NOL10: variants seen among roughly 807,000 people sequenced by gnomAD.
The protein encoded by NOL10 is H_NH0074G24.1.
In NOL10, 58 loss-of-function variants were observed where a neutral mutation model predicts 103.5. The ratio of observed to expected loss-of-function variants is 0.56; its 90% CI spans 0.45 to 0.70. The LOEUF is 0.70. NOL10 is among the 30% of genes least tolerant of loss of function. NOL10 has a pLI of 0.00. For synonymous variants in NOL10, 287 were observed against 282.5 expected, an observed-to-expected ratio of 1.02 and a Z score of -0.16; for missense variants, 763 against 807.3, an observed-to-expected ratio of 0.95 and a Z score of 0.67.
At chr2:10,631,957 G>T (rs938263155) in intron 13 of NOL10, among the ~76,000 whole-genome samples, 1 of 152,164 alleles carries the variant, frequency 6.6e-6, no homozygotes, top group African/African-American at 2.4e-5. Flanking sequence ...CAGGTGATTT[G>T]CCCGCCTCGG....
At chr2:10,577,142 T>G (rs938683784) in intron 20 of NOL10, among the ~76,000 whole-genome samples, 1 of 152,204 alleles carries the variant, frequency 6.6e-6, no homozygotes, top group African/African-American at 2.4e-5. Context: ...GGCAGAGTAG[T>G]CTGTCTTCTA....
At chr2:10,670,409 CA>C (rs953669468) in intron 6 of NOL10, among the ~76,000 whole-genome samples, 1 of 151,886 alleles carries the variant, frequency 6.6e-6, no homozygotes, top group Non-Finnish European at 1.5e-5. Context: ...TACTAATAGC[CA>C]AAAAGATACA....
intron 17 of NOL10, among the ~76,000 whole-genome samples, chr2:10,599,966 A>G (rs1275376656): frequency 6.6e-6 from 1 of 152,088 alleles, no homozygotes; most frequent in Non-Finnish European, 1.5e-5. Context: ...TCTTAGATGC[A>G]CGTACCTGGT....
At chr2:10,663,696 TCCCAG>T (rs1473620304) in intron 8 of NOL10, among the ~76,000 whole-genome samples, 3 of 152,076 alleles carry the variant, frequency 2.0e-5, no homozygotes, top group African/African-American at 7.2e-5. Flanking sequence ...ACGCCTGTAA[TCCCAG>T]CACTTTGGGA....
chr2:10,623,805 A>G (rs916720355), intron 13 of NOL10, among the ~76,000 whole-genome samples: 8 of 152,350 alleles, frequency 5.3e-5, no homozygotes, highest in Non-Finnish European at 1.0e-4. Flanking sequence ...GACCAACATA[A>G]ATAAATGATA....
At chr2:10,643,174 A>C (rs896741658) in intron 13 of NOL10, among the ~76,000 whole-genome samples, 12 of 152,260 alleles carry the variant, frequency 7.9e-5, no homozygotes, top group African/African-American at 2.9e-4. Context: ...ACTACCAACC[A>C]AACGAAATAT....
intron 8 of NOL10, among the ~76,000 whole-genome samples, chr2:10,666,174 T>G (rs1400578647): frequency 6.6e-6 from 1 of 152,194 alleles, no homozygotes; most frequent in African/African-American, 2.4e-5. Flanking sequence ...TCACTTAGGG[T>G]AACAGCCTCC....
At chr2:10,673,626 CAA>C in intron 4 of NOL10, 69 bp from the exon 5 acceptor site, 2 of 1,030,596 alleles carry the variant, frequency 1.9e-6, no homozygotes, top group East Asian at 2.6e-5. Flanking sequence ...AAACCTGATG[CAA>C]AGATTCTAAT....
At chr2:10,684,736 C>A in intron 1 of NOL10, 124 bp from the exon 2 acceptor site, 6 of 660,558 alleles carry the variant, frequency 9.1e-6, no homozygotes, top group Admixed American at 8.8e-5. Flanking sequence ...ACATAGGAAG[C>A]AAAAAATATT....
chr2:10,596,654 C>T (rs913278655), intron 17 of NOL10, among the ~76,000 whole-genome samples: 2 of 152,058 alleles, frequency 1.3e-5, no homozygotes, highest in East Asian at 1.9e-4. Context: ...TCCTGGTGTG[C>T]GGCCTGATTC....
At chr2:10,679,219 C>T (rs1016924122) in intron 3 of NOL10, among the ~76,000 whole-genome samples, 48 of 151,966 alleles carry the variant, frequency 3.2e-4, no homozygotes, top group East Asian at 9.7e-4. Context: ...ATTAGCCGGG[C>T]GTGGTGGTGC....
intron 10 of NOL10, 49 bp from the exon 11 acceptor site, chr2:10,657,940 A>G: frequency 7.2e-7 from 1 of 1,386,172 alleles, no homozygotes; most frequent in African/African-American, 1.5e-5. Context: ...TTTATCTTCA[A>G]AGGAAATATT....
At chr2:10,590,964 C>G (rs1219756848) in intron 17 of NOL10, 1 of 152,194 alleles carries the variant, frequency 6.6e-6, no homozygotes, top group African/African-American at 2.4e-5. Flanking sequence ...CTCTGCTGAA[C>G]AGACTACTTT....
chr2:10,634,754 G>A (rs1678086535), intron 13 of NOL10, among the ~76,000 whole-genome samples: 1 of 152,214 alleles, frequency 6.6e-6, no homozygotes, highest in African/African-American at 2.4e-5. Flanking sequence ...ATCAGCAGGA[G>A]GAGGAGCCAG....
chr2:10,614,104 C>T (rs932305361), intron 13 of NOL10, among the ~76,000 whole-genome samples: 1 of 151,976 alleles, frequency 6.6e-6, no homozygotes, highest in Admixed American at 6.6e-5. Flanking sequence ...GGACTACAGG[C>T]ATGCACTACC....
chr2:10,631,490 A>T (rs944788695), intron 13 of NOL10, among the ~76,000 whole-genome samples: 1 of 151,434 alleles, frequency 6.6e-6, no homozygotes, highest in Non-Finnish European at 1.5e-5. Flanking sequence ...TTGGATTTTT[A>T]TAGGAAAAAA....
Position 10,664,629 on chromosome 2 carries a change from T to C in NOL10, c.592-1585A>G, listed in dbSNP as rs181073155. Among the ~76,000 whole-genome samples the C allele has an allele frequency of 1.8e-3, 273 of 152,262 alleles. 2 individuals are homozygous for C. Among genetic ancestry groups the C allele is most frequent in the African/African-American group, 6.4e-3 (268 of 41,558 alleles). ...ATCACAGCGTATTGCAGCCTCCACC[T>C]TGTAGGCTCAATCCATCCTCTCACC... On this transcript the variant is annotated intron_variant, in intron 8 of 20. Coordinates refer to ENST00000381685, the MANE Select transcript of NOL10 (RefSeq NM_024894.4).
intron 12 of NOL10, among the ~76,000 whole-genome samples, chr2:10,648,319 G>A (rs1679225370): frequency 6.6e-6 from 1 of 152,154 alleles, no homozygotes; most frequent in Non-Finnish European, 1.5e-5. Context: ...CAATGATTAA[G>A]CACCAGACAC....
intron 2 of NOL10, 128 bp from the exon 3 acceptor site, chr2:10,682,197 C>G (rs1053942054): frequency 1.3e-5 from 5 of 399,468 alleles, no homozygotes; most frequent in South Asian, 2.6e-4. Context: ...TGCTTCCTGG[C>G]CTTGGGAAAG....
Sources: allele counts gnomAD v4.1 joint callset (sites outside exome capture counted in the v4.1 genomes callset), GRCh38; gene constraint gnomAD v4.1.1; transcripts MANE v1.5; gene names NCBI Gene and HGNC (gene_info 2026-07-23, HGNC 2026-07-21).